The following CAPN5 variants were observed in gnomAD, a reference collection of about 807,000 sequenced individuals.
The protein encoded by CAPN5 is calpain 5, also known as calpain-5.
CAPN5 carries 54 observed loss-of-function variants against 73.0 expected under a neutral mutation model. That is an observed-to-expected ratio of 0.74 (90% CI 0.59 to 0.93). The LOEUF (loss-of-function observed/expected upper bound fraction) is 0.93. CAPN5 is among the 40% of genes least tolerant of loss of function. The pLI is 0.00. For synonymous variants in CAPN5, 335 were observed against 356.9 expected (o/e 0.94, Z 0.69); for missense variants, 785 against 882.9 (o/e 0.89, Z 1.41).
chr11:77,070,715 C>T (rs1188014842), intron 1 of CAPN5, among the ~76,000 whole-genome samples: 8 of 152,270 alleles, frequency 5.3e-5, no homozygotes, highest in African/African-American at 1.7e-4. Flanking sequence ...CTTACAGTTC[C>T]GGAGATGAGA....
intron 1 of CAPN5, among the ~76,000 whole-genome samples, chr11:77,077,290 G>C (rs1050335272): frequency 6.6e-6 from 1 of 152,126 alleles, no homozygotes; most frequent in African/African-American, 2.4e-5. Context: ...CTGGGAAAGG[G>C]AGGTTGCAGT....
chr11:77,087,888 G>T (rs1251976318), intron 2 of CAPN5: 61 of 1,535,398 alleles, frequency 4.0e-5, no homozygotes, highest in Non-Finnish European at 5.3e-5. Flanking sequence ...CTGGGCACCT[G>T]CCTTCAGCCC....
intron 3 of CAPN5, among the ~76,000 whole-genome samples, chr11:77,095,368 A>AGTC (rs1950197071): frequency 2.0e-5 from 3 of 152,222 alleles, no homozygotes; most frequent in Admixed American, 1.3e-4. Flanking sequence ...TCAGGGGCTG[A>AGTC]AGGGGCACAT....
intron 1 of CAPN5, among the ~76,000 whole-genome samples, chr11:77,077,425 T>A (rs1240172164): frequency 6.6e-6 from 1 of 152,154 alleles, no homozygotes; most frequent in Non-Finnish European, 1.5e-5. Flanking sequence ...TAATAAGATA[T>A]CACACTTTTG....
rs1555033084 is a variant in CAPN5 at position 77,071,619 on chromosome 11, C to T, written c.-36+4525C>T. ...TACCTTTATTTTACAGATGAGAATT[C>T]TGAAGCACAAAGAGGTTAACTGCTT... On this transcript the variant is annotated intron_variant, in intron 1 of 12. Coordinates refer to ENST00000648180, the MANE Select transcript of CAPN5 (RefSeq NM_004055.5). The T allele has an allele frequency of 6.6e-6, 3 of 454,060 alleles. No individual in the cohort carries two copies. In the East Asian group the frequency reaches 2.1e-4, roughly 32 times the overall value. The allele number at this position is 454,060 out of a possible 1,614,324, so 28.1% of individuals were successfully genotyped here.
Position 77,116,307 on chromosome 11 carries a change from A to G in CAPN5, c.971+4A>G, listed in dbSNP as rs1950467950. The G allele has an allele frequency of 6.2e-7, 1 of 1,611,392 alleles. No homozygotes were observed. Among genetic ancestry groups the G allele is most frequent in the African/African-American group, 1.3e-5 (1 of 74,820 alleles). On this transcript the variant is annotated splice_donor_region_variant and intron_variant, in intron 7 of 12. Coordinates refer to ENST00000648180, the MANE Select transcript of CAPN5 (RefSeq NM_004055.5). The stretch of plus-strand genomic sequence containing the variant: ...TGCAGGACGACGGTGAGTTCTGGTG[A>G]GTGTGTATGTGCCCTGGGCGTCCGG...
chr11:77,099,549 G>A (rs1421896207), intron 3 of CAPN5, among the ~76,000 whole-genome samples: 59 of 151,834 alleles, frequency 3.9e-4, no homozygotes, highest in African/African-American at 9.4e-4. Flanking sequence ...CCAACACAGC[G>A]AAACCCCGTC....
chr11:77,097,464 G>GTTTTTTTTTTTT (rs58077755), intron 3 of CAPN5, among the ~76,000 whole-genome samples: 10 of 79,736 alleles, frequency 1.3e-4, no homozygotes, highest in Non-Finnish European at 1.9e-4. Flanking sequence ...TTTCCTTCTA[G>GTTTTTTTTTTTT]TTTTTTTTTT....
chr11:77,092,522 T>C (rs1950158287), intron 2 of CAPN5, among the ~76,000 whole-genome samples: 1 of 152,208 alleles, frequency 6.6e-6, no homozygotes, highest in African/African-American at 2.4e-5. Flanking sequence ...GCCTCTCTCT[T>C]GGCAGGCAGA....
rs1555041001 is a variant in CAPN5 at position 77,112,847 on chromosome 11, AC to A, written c.506+52del. On this transcript the variant is annotated intron_variant, in intron 4 of 12. Coordinates refer to ENST00000648180, the MANE Select transcript of CAPN5 (RefSeq NM_004055.5). The stretch of plus-strand genomic sequence containing the variant: ...GGTGGGAGGCCCAGACGGGGGTGGC[AC>A]CGGATGGGCTCCTCGTGGTATTCCG... 3 of 1,540,466 alleles carry A rather than the reference AC, an allele frequency of 1.9e-6. No homozygotes were observed. The South Asian group carries it at 3.4e-5, about 17-fold the overall frequency.
chr11:77,113,628 C>T (rs1950434470), intron 4 of CAPN5, among the ~76,000 whole-genome samples: 1 of 152,124 alleles, frequency 6.6e-6, no homozygotes, highest in African/African-American at 2.4e-5. Flanking sequence ...AAGACAAAAA[C>T]TCCCAACATC....
intron 7 of CAPN5, among the ~76,000 whole-genome samples, chr11:77,116,574 A>C (rs1950470787): frequency 2.6e-5 from 4 of 152,190 alleles, no homozygotes. Flanking sequence ...AGCCTTTGGC[A>C]TGCAGGTCAG....
At chr11:77,103,216 G>T (rs1048557209) in intron 3 of CAPN5, 2 of 1,613,690 alleles carry the variant, frequency 1.2e-6, no homozygotes, top group Non-Finnish European at 8.5e-7. Context: ...CTGGAGTTTG[G>T]GGAGCGCCTG....
chr11:77,094,277 C>G (rs980212372), intron 3 of CAPN5, among the ~76,000 whole-genome samples: 4 of 152,196 alleles, frequency 2.6e-5, no homozygotes, highest in African/African-American at 7.2e-5. Context: ...CTTCATGACT[C>G]CCAGTTCCAA....
chr11:77,080,475 C>G (rs1026079815), intron 1 of CAPN5, among the ~76,000 whole-genome samples: 1 of 152,236 alleles, frequency 6.6e-6, no homozygotes, highest in Admixed American at 6.5e-5. Context: ...AGCTCTGGAG[C>G]CTGGCCTTGG....
rs781826809 is a variant in CAPN5, at chr11:77,125,149, C to T, written c.*1279C>T. On this transcript the variant is annotated 3_prime_UTR_variant, in exon 13 of 13. Transcript: ENST00000648180. ...GGATCTCTGCTGTGCCCTTCTCGGGCTTCCAGACCAGGTGTAGCAAATGAA... is the reference window on the plus strand; with the variant it reads ...GGATCTCTGCTGTGCCCTTCTCGGGTTTCCAGACCAGGTGTAGCAAATGAA... The T allele has an allele frequency of 2.0e-5, 3 of 152,470 alleles. No individual in the cohort carries two copies. The highest frequency in any genetic ancestry group is 2.9e-5 in the Non-Finnish European group (2 of 68,046). 9.4% of individuals were successfully genotyped at this position (152,470 alleles called of 1,614,324 possible). A position where few individuals can be genotyped will look rare whatever the true frequency, so the allele number is the denominator to read the frequency against.
intron 11 of CAPN5, 26 bp from the exon 12 acceptor site, chr11:77,122,550 C>CA: frequency 6.7e-7 from 1 of 1,499,374 alleles, no homozygotes; most frequent in Non-Finnish European, 9.2e-7. Flanking sequence ...CCCACCCTCA[C>CA]CCCATCTCCC....
At chr11:77,073,226 C>CA in intron 1 of CAPN5, 2 of 742,248 alleles carry the variant, frequency 2.7e-6, no homozygotes, top group Non-Finnish European at 4.0e-6. Context: ...AGCTGCTCAC[C>CA]CGAGGCTTGG....
chr11:77,115,304 C>T (rs1950454739), intron 5 of CAPN5, 91 bp from the exon 6 acceptor site: 8 of 1,001,728 alleles, frequency 8.0e-6, no homozygotes, highest in Non-Finnish European at 1.0e-5. Context: ...TCCTGTAGGT[C>T]CCGTGCAGCC....
Sources: gnomAD v4.1 joint callset for allele counts (sites outside exome capture counted in the v4.1 genomes callset) on GRCh38, gnomAD v4.1.1 for gene constraint, MANE v1.5 for transcripts, NCBI Gene and HGNC (gene_info 2026-07-23, HGNC 2026-07-21) for gene names.